Variants in ANO4 observed in about 807,000 individuals in gnomAD.
ANO4 encodes the protein anoctamin-4.
ANO4 carries 69 observed loss-of-function variants against 141.9 expected under a neutral mutation model. The observed-to-expected ratio is 0.49, with a 90% CI of 0.40 to 0.59. ANO4 has a LOEUF of 0.59. Among genes scored for constraint, ANO4 ranks in the 20% least tolerant of loss-of-function variants. The pLI is 0.00. For synonymous variants in ANO4, 350 were observed against 394.3 expected (o/e 0.89, Z 1.33); for missense variants, 894 against 1,162.2 (o/e 0.77, Z 3.36).
In ANO4 at chr12:100,820,337, G is replaced by T. The variant is rs1357029531; in HGVS notation, c.-141+25310G>T. 3.2e-5 allele frequency among the ~76,000 whole-genome samples: 4 copies of T among 123,198 alleles called. No individual in the cohort carries two copies. The South Asian group carries it at 1.1e-3, about 35-fold the overall frequency. The allele number at this position is 123,198 out of a possible 152,430, so 80.8% of individuals were successfully genotyped here. ...TTTTATTCTTACCCCATTCACCCCA[G>T]CAAGAAAGTCGGTTTCTCAAAAAAA... On this transcript the variant is annotated intron_variant, in intron 1 of 27. Transcript: ENST00000392977.
At chr12:101,063,745 CTTTTTTTTTTTT>C in intron 14 of ANO4, among the ~76,000 whole-genome samples, 21 of 24,796 alleles carry the variant, frequency 8.5e-4, no homozygotes, top group East Asian at 1.5e-3. Flanking sequence ...TCCAGGTTAT[CTTTTTTTTTTTT>C]TTTTTTTTTT....
chr12:101,069,334 T>C (rs757355223), intron 14 of ANO4: 17 of 656,720 alleles, frequency 2.6e-5, no homozygotes, highest in Non-Finnish European at 4.5e-5. Flanking sequence ...TCTTCAACTT[T>C]AGTTTAAAAT....
chr12:100,914,501 G>A (rs2041248088), intron 2 of ANO4, among the ~76,000 whole-genome samples: 1 of 152,066 alleles, frequency 6.6e-6, no homozygotes, highest in South Asian at 2.1e-4. Flanking sequence ...AAGATTTATG[G>A]TTTTACACAA....
chr12:100,740,289 C>G (rs979145723), intron 3 of ANO4, among the ~76,000 whole-genome samples: 3 of 152,004 alleles, frequency 2.0e-5, no homozygotes, highest in African/African-American at 7.3e-5. Flanking sequence ...GTTGTCCAGG[C>G]TGGTATCGAA....
chr12:100,871,808 C>G (rs1319838479), intron 1 of ANO4, among the ~76,000 whole-genome samples: 8 of 152,122 alleles, frequency 5.3e-5, no homozygotes, highest in Admixed American at 5.2e-4. Flanking sequence ...TAATTCCATT[C>G]TTGGTTTGGG....
chr12:100,968,865 C>T (rs1205338283), intron 5 of ANO4, among the ~76,000 whole-genome samples: 1 of 152,142 alleles, frequency 6.6e-6, no homozygotes, highest in Non-Finnish European at 1.5e-5. Flanking sequence ...TCTGTATGTT[C>T]TCTATGGGCA....
chr12:101,075,474 G>A (rs1008421839), intron 14 of ANO4, among the ~76,000 whole-genome samples: 5 of 150,772 alleles, frequency 3.3e-5, no homozygotes, highest in African/African-American at 7.3e-5. Context: ...ACATGCTGAT[G>A]CTTTAGCTGA....
intron 3 of ANO4, among the ~76,000 whole-genome samples, chr12:100,937,796 C>T (rs1423583805): frequency 6.6e-5 from 10 of 152,246 alleles, no homozygotes; most frequent in African/African-American, 2.2e-4. Flanking sequence ...AAAAGCCACC[C>T]GCGTTTCTTG....
Position 101,109,537 on chromosome 12 carries a change from G to T in ANO4, c.2150-867G>T, listed in dbSNP as rs1298272203. On this transcript the variant is annotated intron_variant, in intron 22 of 27. Transcript: ENST00000392977. ...GATCGTGCTGCTACACTCCAGCCTG[G>T]GGGACAGAGCTAGACTCTGTCTCAA... Among the ~76,000 whole-genome samples, 4 of 151,984 alleles carry T rather than the reference G, an allele frequency of 2.6e-5. No individual in the cohort carries two copies. In the East Asian group the frequency reaches 7.7e-4, roughly 29 times the overall value.
At chr12:100,848,053 G>T (rs2037665397) in intron 1 of ANO4, among the ~76,000 whole-genome samples, 1 of 152,186 alleles carries the variant, frequency 6.6e-6, no homozygotes, top group South Asian at 2.1e-4. Flanking sequence ...GTCTGCTTTG[G>T]TGTCTTATAA....
chr12:100,746,835 AG>A (rs2032135197), intron 3 of ANO4, among the ~76,000 whole-genome samples: 1 of 152,088 alleles, frequency 6.6e-6, no homozygotes, highest in Admixed American at 6.5e-5. Flanking sequence ...TTTCTCTCCT[AG>A]GGCTGTGCTT....
At chr12:100,828,048 T>TA (rs2036450523) in intron 1 of ANO4, among the ~76,000 whole-genome samples, 1 of 152,144 alleles carries the variant, frequency 6.6e-6, no homozygotes, top group Non-Finnish European at 1.5e-5. Flanking sequence ...ATACTCCTGT[T>TA]AAAAAATTTT....
At chr12:101,042,575 A>G (rs2047451530) in intron 12 of ANO4, 107 bp downstream of exon 12, 1 of 1,434,798 alleles carries the variant, frequency 7.0e-7, no homozygotes, top group Non-Finnish European at 9.5e-7. Context: ...TTTCACTCAA[A>G]CTTCCTACCC....
intron 24 of ANO4, among the ~76,000 whole-genome samples, chr12:101,114,623 G>A (rs946241296): frequency 1.3e-5 from 2 of 152,272 alleles, no homozygotes; most frequent in African/African-American, 2.4e-5. Context: ...AGATAAGAGT[G>A]CAGGAGGGGT....
At chr12:100,821,515 A>T (rs913640832) in intron 1 of ANO4, among the ~76,000 whole-genome samples, 2 of 149,348 alleles carry the variant, frequency 1.3e-5, no homozygotes, top group African/African-American at 2.5e-5. Flanking sequence ...ATATGCTTTC[A>T]GGTAATCATA....
At chr12:100,739,558 T>C (rs900113115) in intron 2 of ANO4, among the ~76,000 whole-genome samples, 6 of 152,164 alleles carry the variant, frequency 3.9e-5, no homozygotes, top group African/African-American at 1.4e-4. Context: ...TTCTATCTTA[T>C]AGTAGGCCTT....
intron 1 of ANO4, among the ~76,000 whole-genome samples, chr12:100,890,967 C>G (rs958365467): frequency 5.3e-5 from 8 of 152,158 alleles, no homozygotes; most frequent in Admixed American, 1.3e-4. Flanking sequence ...CTTCTTTCCT[C>G]GTGGCAACCA....
chr12:100,736,279 C>T (rs1384551556), intron 2 of ANO4, among the ~76,000 whole-genome samples: 1 of 152,136 alleles, frequency 6.6e-6, no homozygotes, highest in East Asian at 1.9e-4. Context: ...CTAACAAACA[C>T]TTTGGGGAGC....
At chr12:100,866,123 A>C (rs1047892801) in intron 1 of ANO4, among the ~76,000 whole-genome samples, 2 of 152,164 alleles carry the variant, frequency 1.3e-5, no homozygotes, top group African/African-American at 4.8e-5. Context: ...ACGGAGGGGA[A>C]GTGGATGTTA....
Sources: gnomAD v4.1 joint callset for allele counts (sites outside exome capture counted in the v4.1 genomes callset) on GRCh38, gnomAD v4.1.1 for gene constraint, MANE v1.5 for transcripts, NCBI Gene and HGNC (gene_info 2026-07-23, HGNC 2026-07-21) for gene names.